Variants in NUP42 observed in about 807,000 individuals in gnomAD.
The protein encoded by NUP42 is nucleoporin NUP42.
NUP42 carries 47 observed loss-of-function variants against 35.9 expected under a neutral mutation model. The observed-to-expected ratio is 1.31, with a 90% CI of 1.04 to 1.67. NUP42 has a LOEUF of 1.67. Ranked by LOEUF, NUP42 falls within the 40% of genes most tolerant of loss-of-function variation. The pLI, the probability that NUP42 is intolerant of heterozygous loss-of-function variation, is 0.00. For missense variants in NUP42, 514 were observed against 492.2 expected (o/e 1.04, Z -0.42); for synonymous variants, 173 against 173.3 (o/e 1.00, Z 0.01).
intron 2 of NUP42, among the ~76,000 whole-genome samples, 168 bp from the exon 3 acceptor site, chr7:23,186,884 A>G (rs549306297): frequency 1.3e-5 from 2 of 152,332 alleles, no homozygotes; most frequent in East Asian, 3.9e-4. Context: ...ACCATGAAAT[A>G]TAGTTCACAC....
At chr7:23,185,381 A>G (rs1275296811) in intron 2 of NUP42, 83 bp downstream of exon 2, 8 of 924,420 alleles carry the variant, frequency 8.7e-6, no homozygotes, top group African/African-American at 3.3e-5. Context: ...CTTTTTTTGT[A>G]ACATCTTTTC....
intron 3 of NUP42, among the ~76,000 whole-genome samples, chr7:23,193,079 C>T (rs182527248): frequency 5.3e-5 from 8 of 150,858 alleles, no homozygotes; most frequent in Admixed American, 3.3e-4. Flanking sequence ...TAAGGCGGCC[C>T]GTCTGGAGTT....
intron 1 of NUP42, 45 bp downstream of exon 1, chr7:23,182,251 T>C (rs7808488): frequency 0.4 from 618,172 of 1,559,010 alleles, 126,998 homozygotes; most frequent in African/African-American, 0.66. Flanking sequence ...CCGGGAAGGG[T>C]CCGCCGGCGG....
intron 6 of NUP42, 146 bp from the exon 7 acceptor site, chr7:23,200,022 T>C (rs1786154443): frequency 1.6e-6 from 1 of 633,154 alleles, no homozygotes; most frequent in African/African-American, 1.8e-5. Context: ...TCATTTTTAC[T>C]TTCCTCATCT....
intron 3 of NUP42, among the ~76,000 whole-genome samples, chr7:23,192,254 A>AATC (rs1287846573): frequency 1.3e-5 from 2 of 152,150 alleles, no homozygotes; most frequent in Admixed American, 1.3e-4. Flanking sequence ...ATGTTAAGAA[A>AATC]ATCATAACGG....
rs1234601477 is a variant in NUP42, at chr7:23,200,533, A to G, written c.1060A>G (p.Thr354Ala). 1.2e-6 allele frequency: 2 copies of G among 1,613,904 alleles called. No homozygotes were observed. The highest frequency in any genetic ancestry group is 2.7e-5 in the African/African-American group (2 of 74,878). ...GFGSPGSHSHTAFSKPSSDTF... is the reference protein window; with the variant it reads ...GFGSPGSHSHAAFSKPSSDTF... ...TGGTAGTCCGGGCTCACATTCTCAC[A>G]CTGCTTTTTCTAAGCCATCCAGTGA... The change falls in exon 7 of 7, where the codon ACT becomes GCT. Residue 354 changes from threonine (T) to alanine (A), a missense_variant. Transcript: ENST00000258742.
Position 23,185,050 on chromosome 7 carries a change from T to G in NUP42, c.122-20T>G. 1 of 1,566,924 alleles carries G rather than the reference T, an allele frequency of 6.4e-7. No homozygotes were observed. Among genetic ancestry groups the G allele is most frequent in the Non-Finnish European group, 8.7e-7 (1 of 1,151,162 alleles). On this transcript the variant is annotated intron_variant, in intron 1 of 6. Coordinates refer to ENST00000258742, the MANE Select transcript of NUP42 (RefSeq NM_007342.3). ...AGAAAAGTTGCTAGTAAAATTATTT[T>G]GTTTTATTGTTTATTTTAGGTAATA...
chr7:23,182,360 C>T, intron 1 of NUP42, 154 bp downstream of exon 1: 2 of 1,434,854 alleles, frequency 1.4e-6, no homozygotes, highest in Non-Finnish European at 1.8e-6. Context: ...GTTTTTAAAC[C>T]GAGGGTTTTA....
rs147605254 is a variant in NUP42, at chr7:23,193,004, G to A, written c.446-2835G>A. ...GTGTTCGGAGTTTATTCCTTCTGGT[G>A]GGGTCCGTGGTCTCGCTGGCTCAGG... On this transcript the variant is annotated intron_variant, in intron 3 of 6. Transcript: ENST00000258742. Among the ~76,000 whole-genome samples the A allele has an allele frequency of 1.9e-3, 286 of 152,208 alleles. 1 individual carries two copies. Among genetic ancestry groups the A allele is most frequent in the Non-Finnish European group, 3.2e-3 (219 of 67,998 alleles).
chr7:23,195,319 G>C (rs1485813531), intron 3 of NUP42: 1 of 152,182 alleles, frequency 6.6e-6, no homozygotes, highest in Non-Finnish European at 1.5e-5. Flanking sequence ...TCTATTTTAA[G>C]TTGCATTTAA....
At chr7:23,182,304 C>T (rs1336529353) in intron 1 of NUP42, 98 bp downstream of exon 1, 2 of 1,505,598 alleles carry the variant, frequency 1.3e-6, no homozygotes, top group Non-Finnish European at 1.8e-6. Flanking sequence ...GTGACCCCAA[C>T]GTGCCCGCGT....
intron 3 of NUP42, chr7:23,188,183 C>A (rs1211666506): frequency 3.9e-6 from 5 of 1,275,694 alleles, no homozygotes; most frequent in Admixed American, 4.1e-5. Context: ...TGGGATCTTT[C>A]CTCTGTCTCA....
chr7:23,183,700 C>T (rs567513828), intron 1 of NUP42, among the ~76,000 whole-genome samples: 1 of 148,310 alleles, frequency 6.7e-6, no homozygotes, highest in Admixed American at 6.7e-5. Flanking sequence ...GTATTTAGCT[C>T]CCAGAAACAA....
At chr7:23,197,969 C>G (rs1198168106) in intron 5 of NUP42, among the ~76,000 whole-genome samples, 1 of 152,108 alleles carries the variant, frequency 6.6e-6, no homozygotes, top group African/African-American at 2.4e-5. Flanking sequence ...CTTTTGAGGG[C>G]TGGGTGCAGT....
chr7:23,182,469 C>G, intron 1 of NUP42: 1 of 1,286,908 alleles, frequency 7.8e-7, no homozygotes, highest in African/African-American at 1.5e-5. Flanking sequence ...ATCGGAAGTA[C>G]CTATCGAAAC....
chr7:23,188,170 C>T (rs527917398), intron 3 of NUP42: 3 of 1,296,592 alleles, frequency 2.3e-6, no homozygotes, highest in Admixed American at 3.9e-5. Flanking sequence ...TATCGCAGAA[C>T]CTTGGGATCT....
chr7:23,188,781 A>G (rs1637224), intron 3 of NUP42, among the ~76,000 whole-genome samples: 10,551 of 152,268 alleles, frequency 0.069, 500 homozygotes, highest in African/African-American at 0.12. Flanking sequence ...ATATTTTCTG[A>G]TAATACTAAG....
At chr7:23,187,171 A>G in intron 3 of NUP42, 25 bp downstream of exon 3, 1 of 1,465,788 alleles carries the variant, frequency 6.8e-7, no homozygotes, top group Non-Finnish European at 9.5e-7. Flanking sequence ...GTGCATTTTT[A>G]AAGTATGTTC....
rs768977051 is a variant in NUP42, at chr7:23,200,574, C to G, written c.1101C>G (p.Ser367Arg). 8 of 1,614,012 alleles carry G rather than the reference C, an allele frequency of 5.0e-6. No homozygotes were observed. In the South Asian group the frequency reaches 8.8e-5, roughly 18 times the overall value. The change falls in exon 7 of 7, where the codon AGC becomes AGG. Residue 367 changes from serine to arginine, a missense_variant. Physicochemically the swap from Ser to Arg is moderately radical, Grantham distance 110. Transcript: ENST00000258742. ...SKPSSDTFGN[S>R]SISTSLSASS... ...CATCCAGTGACACTTTTGGAAATAG[C>G]AGCATATCCACTTCTCTGTCAGCCT...
Sources: gnomAD v4.1 joint callset for allele counts (sites outside exome capture counted in the v4.1 genomes callset) on GRCh38, gnomAD v4.1.1 for gene constraint, MANE v1.5 for transcripts, NCBI Gene and HGNC (gene_info 2026-07-23, HGNC 2026-07-21) for gene names.